Variants in DOCK8 observed in about 807,000 individuals in gnomAD.
DOCK8 encodes dedicator of cytokinesis protein 8.
Under a neutral mutation model 245.6 loss-of-function variants are expected in DOCK8, and 141 were observed. The ratio of observed to expected loss-of-function variants is 0.57; its 90% confidence interval spans 0.50 to 0.66. DOCK8 has a LOEUF of 0.66. DOCK8 is among the 30% of genes least tolerant of loss of function. The probability of loss-of-function intolerance (pLI) is 0.00; values close to 1 mark genes in which losing one functional copy is unlikely to be tolerated. For synonymous variants in DOCK8, 1,168 were observed against 970.2 expected (o/e 1.20, Z -3.79); for missense variants, 2,965 against 2,603.4 (o/e 1.14, Z -3.02).
intron 9 of DOCK8, among the ~76,000 whole-genome samples, chr9:330,609 C>G (rs964717813): frequency 6.6e-6 from 1 of 152,064 alleles, no homozygotes; most frequent in African/African-American, 2.4e-5. Flanking sequence ...AACACCTACC[C>G]TGTACCTGAC....
intron 1 of DOCK8, among the ~76,000 whole-genome samples, chr9:236,692 C>T (rs2047257236): frequency 6.6e-6 from 1 of 152,190 alleles, no homozygotes; most frequent in Admixed American, 6.5e-5. Flanking sequence ...ATCTCAAAAT[C>T]TCAGTGAACG....
chr9:387,725 A>T (rs969965220), intron 23 of DOCK8, among the ~76,000 whole-genome samples: 6 of 152,364 alleles, frequency 3.9e-5, no homozygotes, highest in Non-Finnish European at 8.8e-5. Context: ...GGTTAGGCTA[A>T]AAACAAATTA....
chr9:405,438 T>G lies in DOCK8; in HGVS notation c.3390+365T>G, dbSNP rs544645404. ...GTAAATAAGTTTTGGAAACCATGTA[T>G]TCACCAGGTTTCTTTGCAGCAGGCC... On this transcript the variant is annotated intron_variant, in intron 27 of 47. Coordinates refer to ENST00000432829, the MANE Select transcript of DOCK8 (RefSeq NM_203447.4). Among the ~76,000 whole-genome samples, 5 of 152,360 alleles carry G rather than the reference T, an allele frequency of 3.3e-5. No individual in the cohort carries two copies. The South Asian group carries it at 1.0e-3, about 32-fold the overall frequency.
intron 46 of DOCK8, 53 bp downstream of exon 46, chr9:452,170 A>G: frequency 8.3e-7 from 1 of 1,199,724 alleles, no homozygotes; most frequent in Non-Finnish European, 1.2e-6. Context: ...CTCAAAGTGC[A>G]ATCTTAGACC....
Position 332,448 on chromosome 9 carries a change from C to T in DOCK8, c.1095C>T (p.Tyr365=). The change falls in exon 10 of 48, where the codon TAC becomes TAT. Residue 365 remains tyrosine, a synonymous_variant. Transcript: ENST00000432829. ...QGEIGDCAEP[Y]TVIKESDGGK... ...AGATTGGAGACTGTGCAGAGCCCTA[C>T]ACGGTTATCAAAGAAAGTGATGGTG... 1 of 1,613,258 alleles carries T rather than the reference C, an allele frequency of 6.2e-7. No homozygotes were observed. The highest frequency in any genetic ancestry group is 8.5e-7 in the Non-Finnish European group (1 of 1,179,352).
chr9:281,639 G>A (rs2048589308), intron 2 of DOCK8, among the ~76,000 whole-genome samples: 3 of 87,972 alleles, frequency 3.4e-5, no homozygotes, highest in African/African-American at 1.2e-4. Flanking sequence ...ATGTTTGTGT[G>A]CCTGTGTGTG....
chr9:450,072 G>C, intron 45 of DOCK8, 145 bp downstream of exon 45: 1 of 864,248 alleles, frequency 1.2e-6, no homozygotes, highest in Non-Finnish European at 1.7e-6. Context: ...CTGAACACCT[G>C]TAAGGTTTAG....
rs73372524 is a variant in DOCK8, at chr9:224,005, G to C, written c.53+8976G>C. 4.6e-3 allele frequency among the ~76,000 whole-genome samples: 702 copies of C among 152,238 alleles called. 9 individuals are homozygous for C. The highest frequency in any genetic ancestry group is 0.015 in the African/African-American group (640 of 41,544). On this transcript the variant is annotated intron_variant, in intron 1 of 47. Coordinates refer to ENST00000432829, the MANE Select transcript of DOCK8 (RefSeq NM_203447.4). ...TAAAATAATATCAGCTTGAGTTAAA[G>C]ATAACATATAGCCGTGAAATAACGG...
intron 43 of DOCK8, among the ~76,000 whole-genome samples, chr9:443,928 C>A (rs1049120739): frequency 6.6e-6 from 1 of 152,210 alleles, no homozygotes; most frequent in Non-Finnish European, 1.5e-5. Context: ...TGAACCCCTA[C>A]TCTTCAGCAC....
chr9:277,829 C>A (rs754131683), intron 2 of DOCK8, among the ~76,000 whole-genome samples: 1 of 152,020 alleles, frequency 6.6e-6, no homozygotes, highest in Non-Finnish European at 1.5e-5. Flanking sequence ...GTATATGTAA[C>A]ATTTATTTAA....
chr9:230,881 G>A (rs2047100336), intron 1 of DOCK8, among the ~76,000 whole-genome samples: 1 of 152,008 alleles, frequency 6.6e-6, no homozygotes, highest in African/African-American at 2.4e-5. Context: ...AGTTTCTTTT[G>A]CTGTGCAGAA....
At chr9:213,855 A>C (rs963106272), upstream of DOCK8, 3 of 152,096 alleles carry the variant, frequency 2.0e-5, no homozygotes, top group Non-Finnish European at 2.9e-5. Flanking sequence ...CAGCCTCCCA[A>C]GTAGCTGGGA....
intron 5 of DOCK8, among the ~76,000 whole-genome samples, chr9:305,043 G>A (rs1472048224): frequency 6.6e-6 from 1 of 152,102 alleles, no homozygotes; most frequent in Non-Finnish European, 1.5e-5. Context: ...TCTATGCTGA[G>A]GCCAGAATAC....
chr9:412,703 C>G (rs149854029), intron 28 of DOCK8, among the ~76,000 whole-genome samples: 1 of 151,940 alleles, frequency 6.6e-6, no homozygotes, highest in Non-Finnish European at 1.5e-5. Flanking sequence ...ATAAATGTAA[C>G]AAAAGAAACA....
rs187200716 is a variant in DOCK8, at chr9:389,027, G to A, written c.2875-1444G>A. 4.2e-3 allele frequency among the ~76,000 whole-genome samples: 643 copies of A among 152,174 alleles called. 4 individuals carry two copies. The highest frequency in any genetic ancestry group is 0.014 in the African/African-American group (592 of 41,510). ...AGAAAAAAAAAATGAGTTTATCTAC[G>A]TTTATTCCAGGTTTTGTGGGCATAA... On this transcript the variant is annotated intron_variant, in intron 23 of 47. Coordinates refer to ENST00000432829, the MANE Select transcript of DOCK8 (RefSeq NM_203447.4).
At position 383,700 on chromosome 9, in the gene DOCK8, C is replaced by CAAAAA. The variant is rs1164310899; in HGVS notation, c.2778+1036_2778+1040dup. ...GAGCTACAAGAGTGAGACTCCGTCT[C>CAAAAA]AAAAAAAAAAAAAAAAAAAAAAAAA... On this transcript the variant is annotated intron_variant, in intron 22 of 47. Transcript: ENST00000432829. Among the ~76,000 whole-genome samples the CAAAAA allele has an allele frequency of 1.8e-3, 128 of 69,746 alleles. 4 individuals carry two copies. The highest frequency in any genetic ancestry group is 6.5e-3 in the South Asian group (8 of 1,228). 45.8% of individuals were successfully genotyped at this position (69,746 alleles called of 152,430 possible). A position where few individuals can be genotyped will look rare whatever the true frequency, so the allele number is the denominator to read the frequency against.
intron 1 of DOCK8, among the ~76,000 whole-genome samples, chr9:226,165 A>C (rs1314050440): frequency 6.6e-6 from 1 of 152,174 alleles, no homozygotes; most frequent in Non-Finnish European, 1.5e-5. Context: ...CAATCATGGC[A>C]GAAGGTGAAT....
chr9:435,712 G>A (rs2056877592), intron 39 of DOCK8, among the ~76,000 whole-genome samples: 1 of 152,204 alleles, frequency 6.6e-6, no homozygotes, highest in Non-Finnish European at 1.5e-5. Flanking sequence ...ATTTGGCAAA[G>A]GGAAATTGTC....
intron 46 of DOCK8, chr9:456,901 A>G (rs2057660001): frequency 6.6e-6 from 1 of 152,196 alleles, no homozygotes; most frequent in South Asian, 2.1e-4. Context: ...TAAATAAAAG[A>G]TAGTAGTACT....
Sources: allele counts gnomAD v4.1 joint callset (sites outside exome capture counted in the v4.1 genomes callset), GRCh38; gene constraint gnomAD v4.1.1; transcripts MANE v1.5; gene names NCBI Gene and HGNC (gene_info 2026-07-23, HGNC 2026-07-21).